GON4L: variants seen among roughly 807,000 people sequenced by gnomAD.
GON4L encodes the protein gon-4 like.
GON4L carries 87 observed loss-of-function variants against 211.8 expected under a neutral mutation model. The ratio of observed to expected loss-of-function variants is 0.41; its 90% CI spans 0.35 to 0.49. GON4L has a LOEUF of 0.49. Among genes scored for constraint, GON4L ranks in the 20% least tolerant of loss-of-function variants. The pLI is 0.15. For synonymous variants in GON4L, 875 were observed against 962.6 expected (o/e 0.91, Z 1.68); for missense variants, 2,155 against 2,659.5 (o/e 0.81, Z 4.17).
At position 155,775,016 on chromosome 1, in the gene GON4L, G is replaced by A; in HGVS notation, c.2336C>T (p.Thr779Ile). Residue 779 changes from threonine (T) to isoleucine (I), a missense_variant, in exon 17 of 32, where the codon ACT (threonine) becomes ATT (isoleucine). Transcript: ENST00000368331. ...CTGTCTCCTACCAGTCTTCTTGACA[G>A]TTTTATGAGGGCTGCAGTCAATGCT... is the stretch of plus-strand genomic sequence containing the variant. The part of the protein sequence containing the change: ...HVSIDCSPHK[T>I]VKKTANEFPC... The A allele has an allele frequency of 6.2e-7, 1 of 1,612,100 alleles. No individual in the cohort carries two copies. The highest frequency in any genetic ancestry group is 1.3e-5 in the African/African-American group (1 of 74,994).
intron 12 of GON4L, among the ~76,000 whole-genome samples, chr1:155,788,555 G>A (rs1012531223): frequency 3.3e-5 from 5 of 152,070 alleles, no homozygotes; most frequent in African/African-American, 9.7e-5. Context: ...AAAGTTCAGC[G>A]CAGCTTTATT....
At chr1:155,821,725 GC>G (rs2102257558) in intron 4 of GON4L, among the ~76,000 whole-genome samples, 177 bp from the exon 5 acceptor site, 1 of 152,298 alleles carries the variant, frequency 6.6e-6, no homozygotes, top group African/African-American at 2.4e-5. Flanking sequence ...GTAAGTTTTG[GC>G]CAGAACCACA....
chr1:155,776,704 C>A (rs369116951), intron 15 of GON4L, among the ~76,000 whole-genome samples: 1 of 152,198 alleles, frequency 6.6e-6, no homozygotes, highest in East Asian at 1.9e-4. Context: ...ATGCATGGCA[C>A]CATGCCTGGC....
intron 12 of GON4L, among the ~76,000 whole-genome samples, chr1:155,789,977 G>C (rs1389247086): frequency 3.3e-5 from 5 of 152,072 alleles, no homozygotes; most frequent in Non-Finnish European, 7.4e-5. Context: ...CTGTCACCCA[G>C]GCTGGAGTGC....
chr1:155,765,137 C>T lies in GON4L; in HGVS notation c.4336G>A (p.Val1446Ile). The change falls in exon 21 of 32, where the codon GTT becomes ATT. Residue 1446 changes from valine to isoleucine, a missense_variant. By Grantham distance (29) the Val-to-Ile change is conservative. Around this residue, in one of 6 missense-constraint regions of GON4L, gnomAD observed 615 missense variants for 625.7 expected, o/e 0.98. Coordinates refer to ENST00000368331, the MANE Select transcript of GON4L (RefSeq NM_001282860.2). The part of the protein sequence containing the change: ...SVDGQSVGTP[V>I]GPETGGEKNG... The stretch of plus-strand genomic sequence containing the variant: ...TTCTCTCCTCCAGTTTCTGGCCCAA[C>T]TGGAGTCCCCACTGACTGACCATCA... The T allele has an allele frequency of 6.2e-7, 1 of 1,614,226 alleles. No individual in the cohort carries two copies. Among genetic ancestry groups the T allele is most frequent in the Non-Finnish European group, 8.5e-7 (1 of 1,180,040 alleles).
downstream of GON4L, among the ~76,000 whole-genome samples, chr1:155,748,950 A>C (rs1398667495): frequency 6.6e-6 from 1 of 152,204 alleles, no homozygotes; most frequent in East Asian, 1.9e-4. Flanking sequence ...GCCTGATAAC[A>C]TAAAAATTCT....
At position 155,752,543 on chromosome 1, in the gene GON4L, C is replaced by T. The variant is rs623440; in HGVS notation, c.5890G>A (p.Val1964Ile). 1.4e-5 allele frequency: 23 copies of T among 1,603,942 alleles called. No homozygotes were observed. The East Asian group carries it at 4.9e-4, about 34-fold the overall frequency. The change falls in exon 30 of 32, where the codon GTT (valine) becomes ATT (isoleucine). Residue 1964 changes from valine (V) to isoleucine (I), a missense_variant. By Grantham distance (29) the Val-to-Ile change is conservative. This residue lies in a region of GON4L where 455 missense variants were observed against 504.6 expected (regional missense o/e 0.90). Coordinates refer to ENST00000368331, the MANE Select transcript of GON4L (RefSeq NM_001282860.2). ...STLPSPREVT[V>I]TERLLLDGPP... ...CCATCCAGGAGGAGCCGTTCTGTAA[C>T]AGTCACTTCTCGAGGGGATGGCAAA...
intron 10 of GON4L, among the ~76,000 whole-genome samples, chr1:155,806,676 C>T (rs528314486): frequency 6.6e-5 from 10 of 152,210 alleles, no homozygotes; most frequent in African/African-American, 1.9e-4. Context: ...CGTACCACTG[C>T]ACTCCAGTCA....
chr1:155,761,730 G>C (rs1197250141), intron 23 of GON4L, among the ~76,000 whole-genome samples: 1 of 151,412 alleles, frequency 6.6e-6, no homozygotes, highest in African/African-American at 2.4e-5. Context: ...CCTGACCTCA[G>C]GTGATCCACC....
intron 14 of GON4L, among the ~76,000 whole-genome samples, chr1:155,779,048 C>T (rs924933458): frequency 6.6e-6 from 1 of 151,546 alleles, no homozygotes; most frequent in Non-Finnish European, 1.5e-5. Context: ...GGGCGGATCA[C>T]GAGGTCAGGA....
intron 14 of GON4L, among the ~76,000 whole-genome samples, chr1:155,781,704 G>A (rs907581766): frequency 6.6e-6 from 1 of 150,762 alleles, no homozygotes; most frequent in Admixed American, 6.7e-5. Flanking sequence ...CTTGTGATCC[G>A]CCTGCCTTGG....
intron 2 of GON4L, among the ~76,000 whole-genome samples, chr1:155,840,700 C>T (rs1260877204): frequency 6.6e-6 from 1 of 152,162 alleles, no homozygotes; most frequent in African/African-American, 2.4e-5. Flanking sequence ...CTCAAGTTAA[C>T]CAAAGCCTTG....
intron 17 of GON4L, 131 bp from the exon 18 acceptor site, chr1:155,773,341 C>G: frequency 1.0e-6 from 1 of 986,450 alleles, no homozygotes; most frequent in Non-Finnish European, 1.5e-6. Flanking sequence ...ATCTGCCCAC[C>G]ATCCCCCCAA....
intron 14 of GON4L, among the ~76,000 whole-genome samples, chr1:155,778,255 A>C (rs1299956560): frequency 1.3e-5 from 2 of 151,372 alleles, no homozygotes; most frequent in African/African-American, 2.4e-5. Flanking sequence ...TTTTTTCAAA[A>C]TTTAAATATT....
intron 14 of GON4L, among the ~76,000 whole-genome samples, chr1:155,783,338 CTT>C: frequency 6.6e-6 from 1 of 152,278 alleles, no homozygotes; most frequent in African/African-American, 2.4e-5. Context: ...GGACTATTCT[CTT>C]TGCTTTGTTC....
chr1:155,776,539 C>T (rs1663837870), intron 15 of GON4L, 58 bp from the exon 16 acceptor site: 8 of 1,247,938 alleles, frequency 6.4e-6, no homozygotes, highest in Non-Finnish European at 8.1e-6. Flanking sequence ...TTTCAGGAAT[C>T]CAGAGAGATC....
Position 155,853,401 on chromosome 1 carries a change from C to G in GON4L, c.380G>C (p.Gly127Ala). 1 of 1,614,106 alleles carries G rather than the reference C, an allele frequency of 6.2e-7. No homozygotes were observed. The highest frequency in any genetic ancestry group is 8.5e-7 in the Non-Finnish European group (1 of 1,180,012). ...TGTCATTTTTTTCCCTCTCTTTGAGCCAGTAGCGTGGAGTTTTCCTTTACC... is the reference window on the plus strand; with the variant it reads ...TGTCATTTTTTTCCCTCTCTTTGAGGCAGTAGCGTGGAGTTTTCCTTTACC... ...HIGKGKLHATGSKRGKKMTLR... is the reference protein window; with the variant it reads ...HIGKGKLHATASKRGKKMTLR... Residue 127 changes from glycine (G) to alanine (A), a missense_variant, in exon 2 of 32, where the codon GGC (glycine) becomes GCC (alanine). Gly to Ala is a moderately conservative substitution (Grantham distance 60, BLOSUM62 0). Coordinates refer to ENST00000368331, the MANE Select transcript of GON4L (RefSeq NM_001282860.2).
chr1:155,828,322 G>A (rs1669410435), intron 2 of GON4L, among the ~76,000 whole-genome samples: 1 of 151,416 alleles, frequency 6.6e-6, no homozygotes, highest in Admixed American at 6.6e-5. Flanking sequence ...AACCTCGGCT[G>A]TAAAAAAAGA....
At chr1:155,753,160 A>T in intron 29 of GON4L, 44 bp downstream of exon 29, 1 of 1,432,552 alleles carries the variant, frequency 7.0e-7, no homozygotes, top group Non-Finnish European at 9.8e-7. Context: ...AGTACAGGAT[A>T]ACGAGACTGA....
Sources: allele counts gnomAD v4.1 joint callset (sites outside exome capture counted in the v4.1 genomes callset), GRCh38; gene constraint gnomAD v4.1.1; regional missense constraint gnomAD v4.1.1; transcripts MANE v1.5; gene names NCBI Gene and HGNC (gene_info 2026-07-23, HGNC 2026-07-21).